The following HMCN1 variants were observed in gnomAD, a reference collection of about 807,000 sequenced individuals.
HMCN1 encodes the protein hemicentin-1.
Under a neutral mutation model 625.9 loss-of-function variants are expected in HMCN1, and 321 were observed. That is an observed-to-expected ratio of 0.51 (90% CI 0.47 to 0.56). The LOEUF is 0.56. Ranked by LOEUF, HMCN1 falls within the 20% of genes least tolerant of loss-of-function variation. The probability of loss-of-function intolerance (pLI) is 0.00; values close to 1 mark genes in which losing one functional copy is unlikely to be tolerated. For synonymous variants in HMCN1, 2,425 were observed against 2,417.6 expected, an observed-to-expected ratio of 1.00 and a Z score of -0.09; for missense variants, 6,588 against 6,887.3, an observed-to-expected ratio of 0.96 and a Z score of 1.54.
chr1:185,982,146 T>C, intron 17 of HMCN1, 116 bp from the exon 18 acceptor site: 1 of 990,244 alleles, frequency 1.0e-6, no homozygotes, highest in Non-Finnish European at 1.6e-6. Flanking sequence ...AAATATTTTG[T>C]TTCTGAAAAC....
intron 31 of HMCN1, 88 bp from the exon 32 acceptor site, chr1:186,015,869 GA>G (rs1431771456): frequency 7.8e-7 from 1 of 1,289,456 alleles, no homozygotes; most frequent in Non-Finnish European, 1.1e-6. Flanking sequence ...AACTTTGTGA[GA>G]AAAAACAAAA....
chr1:185,874,303 A>G (rs1434232895), intron 4 of HMCN1, among the ~76,000 whole-genome samples: 2 of 152,016 alleles, frequency 1.3e-5, no homozygotes, highest in Non-Finnish European at 2.9e-5. Context: ...ATTTGGTTCA[A>G]CCTAAAAATA....
intron 28 of HMCN1, among the ~76,000 whole-genome samples, chr1:186,002,484 A>G (rs1400954735): frequency 6.6e-6 from 1 of 152,128 alleles, no homozygotes; most frequent in Non-Finnish European, 1.5e-5. Context: ...TCCTCCCATT[A>G]GGCTTCTCAA....
intron 29 of HMCN1, 105 bp downstream of exon 29, chr1:186,003,949 T>A: frequency 3.7e-6 from 4 of 1,068,862 alleles, no homozygotes; most frequent in Non-Finnish European, 4.2e-6. Context: ...ACATAGAATA[T>A]TATTAAATGA....
chr1:186,053,179 G>A (rs987028397), intron 43 of HMCN1, 105 bp downstream of exon 43: 1 of 1,087,892 alleles, frequency 9.2e-7, no homozygotes, highest in African/African-American at 1.6e-5. Context: ...CCTGGGGTTT[G>A]CATACTAAAT....
chr1:186,007,901 A>G (rs886866055), intron 30 of HMCN1, among the ~76,000 whole-genome samples: 2 of 152,164 alleles, frequency 1.3e-5, no homozygotes, highest in Non-Finnish European at 1.5e-5. Context: ...AAAGATTTAT[A>G]CAATAGAAAG....
chr1:185,776,167 TTTA>T (rs1253950152), intron 1 of HMCN1, among the ~76,000 whole-genome samples: 2 of 152,184 alleles, frequency 1.3e-5, no homozygotes, highest in Admixed American at 6.5e-5. Flanking sequence ...TTAGATCTAG[TTTA>T]TTATTTTCAT....
intron 48 of HMCN1, among the ~76,000 whole-genome samples, chr1:186,063,361 A>G (rs1396918521): frequency 6.7e-6 from 1 of 148,450 alleles, no homozygotes; most frequent in Non-Finnish European, 1.5e-5. Flanking sequence ...AATTCTGTGG[A>G]GACAAAAAGG....
At chr1:185,912,294 T>C (rs1047223446) in intron 6 of HMCN1, among the ~76,000 whole-genome samples, 57 of 152,174 alleles carry the variant, frequency 3.7e-4, no homozygotes, top group Middle Eastern at 3.2e-3. Context: ...ACACCTGAAA[T>C]AGTATCATTT....
intron 36 of HMCN1, among the ~76,000 whole-genome samples, chr1:186,028,171 T>C (rs1262793893): frequency 6.6e-6 from 1 of 152,182 alleles, no homozygotes; most frequent in Non-Finnish European, 1.5e-5. Flanking sequence ...ATTGAAGTAA[T>C]AGGCAAAATC....
intron 4 of HMCN1, among the ~76,000 whole-genome samples, chr1:185,878,840 C>T (rs1421000788): frequency 8.5e-5 from 13 of 152,090 alleles, no homozygotes; most frequent in East Asian, 1.9e-4. Context: ...TTACTCTGTG[C>T]GGATGATGTC....
chr1:186,074,557 A>T (rs1015630799), intron 52 of HMCN1, among the ~76,000 whole-genome samples, 184 bp from the exon 53 acceptor site: 1 of 152,176 alleles, frequency 6.6e-6, no homozygotes, highest in East Asian at 1.9e-4. Context: ...TAAAAATTTG[A>T]TTAGTCAAAA....
In HMCN1 at chr1:186,007,319, C is replaced by A. The variant is rs369531244; in HGVS notation, c.4630+37C>A. On this transcript the variant is annotated intron_variant, in intron 30 of 106. Coordinates refer to ENST00000271588, the MANE Select transcript of HMCN1 (RefSeq NM_031935.3). ...TGTCTTATGCTTTTTATTGTCTGCT[C>A]TCATTATAAGTTGACAAGCAGGGTT... 3 of 1,596,642 alleles carry A rather than the reference C, an allele frequency of 1.9e-6. No homozygotes were observed. In the African/African-American group the frequency reaches 4.0e-5, roughly 21 times the overall value.
intron 89 of HMCN1, among the ~76,000 whole-genome samples, chr1:186,139,887 G>A (rs1161126586): frequency 6.6e-6 from 1 of 151,770 alleles, no homozygotes; most frequent in Non-Finnish European, 1.5e-5. Context: ...CTGCAAAATC[G>A]GCAGCCAGCC....
intron 68 of HMCN1, among the ~76,000 whole-genome samples, chr1:186,099,566 C>T (rs1243983493): frequency 6.6e-6 from 1 of 152,094 alleles, no homozygotes; most frequent in Non-Finnish European, 1.5e-5. Flanking sequence ...TCTCAGCCCT[C>T]AACTTCCTCC....
At chr1:185,947,457 GAAGAA>G (rs1199330042) in intron 11 of HMCN1, among the ~76,000 whole-genome samples, 4 of 152,174 alleles carry the variant, frequency 2.6e-5, no homozygotes, top group Non-Finnish European at 1.5e-5. Context: ...AATAACAAGA[GAAGAA>G]GTTTTAGGAA....
In HMCN1 at chr1:186,088,667, G is replaced by C; in HGVS notation, c.9639G>C (p.Arg3213=). 6.2e-7 allele frequency: 1 copy of C among 1,611,992 alleles called. No homozygotes were observed. The highest frequency in any genetic ancestry group is 1.1e-5 in the South Asian group (1 of 90,968). The change falls in exon 63 of 107, where the codon CGG becomes CGC. Residue 3213 remains arginine, a synonymous_variant. Coordinates refer to ENST00000271588, the MANE Select transcript of HMCN1 (RefSeq NM_031935.3). ...GAGGTAGCAAACTCCAGATTGCCCG[G>C]TCTCAGCATTCAGATAGTGGAAACT... The part of the protein sequence containing the change: ...LSGGSKLQIA[R]SQHSDSGNYT...
At chr1:185,979,465 C>T (rs1035571211) in intron 16 of HMCN1, among the ~76,000 whole-genome samples, 1 of 152,132 alleles carries the variant, frequency 6.6e-6, no homozygotes, top group East Asian at 1.9e-4. Context: ...AATAAAAGAG[C>T]TCAATATCTT....
At chr1:185,919,077 A>G (rs1478003353) in intron 6 of HMCN1, among the ~76,000 whole-genome samples, 1 of 132,556 alleles carries the variant, frequency 7.5e-6, no homozygotes, top group African/African-American at 4.0e-5. Context: ...TTTAGGACAT[A>G]TATATATATA....
Sources: gnomAD v4.1 joint callset for allele counts (sites outside exome capture counted in the v4.1 genomes callset) on GRCh38, gnomAD v4.1.1 for gene constraint, MANE v1.5 for transcripts, NCBI Gene and HGNC (gene_info 2026-07-23, HGNC 2026-07-21) for gene names.